Variants in SORCS2 observed in about 807,000 individuals in gnomAD.
The protein encoded by SORCS2 is VPS10 domain-containing receptor SorCS2.
SORCS2 carries 100 observed loss-of-function variants against 141.6 expected under a neutral mutation model. The ratio of observed to expected loss-of-function variants is 0.71; its 90% CI spans 0.60 to 0.83. The LOEUF (loss-of-function observed/expected upper bound fraction) is 0.83, where lower values mean the gene tolerates loss of function less well. SORCS2 is among the 40% of genes least tolerant of loss of function. SORCS2 has a pLI of 0.00. For missense variants in SORCS2, 1,646 were observed against 1,560.2 expected, an observed-to-expected ratio of 1.05 and a Z score of -0.93; for synonymous variants, 789 against 676.9, an observed-to-expected ratio of 1.17 and a Z score of -2.57.
chr4:7,728,100 C>A (rs1727348037), intron 21 of SORCS2, among the ~76,000 whole-genome samples: 1 of 152,232 alleles, frequency 6.6e-6, no homozygotes, highest in African/African-American at 2.4e-5. Flanking sequence ...GAGATGGCAG[C>A]CAGTGACATG....
At chr4:7,529,499 C>A (rs749014903) in intron 2 of SORCS2, among the ~76,000 whole-genome samples, 1 of 152,174 alleles carries the variant, frequency 6.6e-6, no homozygotes, top group Non-Finnish European at 1.5e-5. Context: ...TGAGCAGGCT[C>A]CTCTGGCCCA....
At chr4:7,541,604 G>A (rs905924857) in intron 3 of SORCS2, among the ~76,000 whole-genome samples, 1 of 152,162 alleles carries the variant, frequency 6.6e-6, no homozygotes, top group Non-Finnish European at 1.5e-5. Context: ...AGGCAGCCAG[G>A]CCTCTCCCTC....
At chr4:7,497,791 C>T (rs936162787) in intron 2 of SORCS2, among the ~76,000 whole-genome samples, 2 of 152,262 alleles carry the variant, frequency 1.3e-5, no homozygotes, top group African/African-American at 4.8e-5. Flanking sequence ...GTGGGAGAAC[C>T]AGGCCTGGAC....
At chr4:7,730,525 C>T (rs1489270884) in intron 23 of SORCS2, among the ~76,000 whole-genome samples, 1 of 152,208 alleles carries the variant, frequency 6.6e-6, no homozygotes, top group African/African-American at 2.4e-5. Flanking sequence ...AATTGTGGTC[C>T]AACCTTACAA....
At chr4:7,504,875 T>G (rs1178059481) in intron 2 of SORCS2, among the ~76,000 whole-genome samples, 1 of 152,186 alleles carries the variant, frequency 6.6e-6, no homozygotes, top group Non-Finnish European at 1.5e-5. Flanking sequence ...AAAAGGTCCA[T>G]GGTGAGCAGA....
intron 3 of SORCS2, among the ~76,000 whole-genome samples, chr4:7,588,551 C>G (rs967817666): frequency 3.9e-5 from 6 of 152,142 alleles, no homozygotes; most frequent in Non-Finnish European, 8.8e-5. Context: ...GATCAAGTTC[C>G]CTCTGAGGTT....
intron 3 of SORCS2, among the ~76,000 whole-genome samples, chr4:7,594,340 G>A (rs549446482): frequency 6.1e-4 from 93 of 152,314 alleles, no homozygotes; most frequent in African/African-American, 2.0e-3. Flanking sequence ...GGGAAATAAC[G>A]GGAATGCAAC....
intron 11 of SORCS2, among the ~76,000 whole-genome samples, chr4:7,696,535 G>A (rs1424687801): frequency 6.6e-6 from 1 of 152,168 alleles, no homozygotes; most frequent in African/African-American, 2.4e-5. Flanking sequence ...CTGGCCATGA[G>A]TTCTTCCCAT....
chr4:7,507,004 C>G (rs1347187592), intron 2 of SORCS2, among the ~76,000 whole-genome samples: 1 of 152,164 alleles, frequency 6.6e-6, no homozygotes, highest in Non-Finnish European at 1.5e-5. Flanking sequence ...GAGCCAGCAG[C>G]TGTCACAGGA....
At chr4:7,272,648 C>T (rs537812156) in intron 1 of SORCS2, among the ~76,000 whole-genome samples, 25 of 152,222 alleles carry the variant, frequency 1.6e-4, no homozygotes, top group Non-Finnish European at 3.5e-4. Context: ...AAGCATCTTG[C>T]AGGGGAGTGG....
intron 1 of SORCS2, among the ~76,000 whole-genome samples, chr4:7,252,999 A>G (rs7441995): frequency 0.87 from 132,077 of 152,286 alleles, 57,476 homozygotes; most frequent in African/African-American, 0.92. Flanking sequence ...CATTTGGGAC[A>G]GAGGCCACAG....
At chr4:7,547,994 G>A (rs1713396702) in intron 3 of SORCS2, among the ~76,000 whole-genome samples, 1 of 152,160 alleles carries the variant, frequency 6.6e-6, no homozygotes. Context: ...TTCTGCTTTG[G>A]GCAGTGAGCT....
Position 7,740,254 on chromosome 4 carries a change from T to C in SORCS2, c.3470T>C (p.Leu1157Pro), listed in dbSNP as rs1712556353. ...SINSREMHSY[L>P]VS ...AACTCCCGAGAGATGCACAGCTACCTGGTGAGCTGATGCCACCCCAGCATC... is the reference window on the plus strand; with the variant it reads ...AACTCCCGAGAGATGCACAGCTACCCGGTGAGCTGATGCCACCCCAGCATC... Residue 1157 changes from leucine (L) to proline (P), a missense_variant, in exon 27 of 27, where the codon CTG (leucine) becomes CCG (proline). By Grantham distance (98) the Leu-to-Pro change is moderately conservative. Coordinates refer to ENST00000507866, the MANE Select transcript of SORCS2 (RefSeq NM_020777.3). 5 of 1,609,552 alleles carry C rather than the reference T, an allele frequency of 3.1e-6. No homozygotes were observed. Among genetic ancestry groups the C allele is most frequent in the Non-Finnish European group, 4.2e-6 (5 of 1,179,400 alleles).
chr4:7,283,224 G>A (rs893001875), intron 1 of SORCS2, among the ~76,000 whole-genome samples: 2 of 152,242 alleles, frequency 1.3e-5, no homozygotes, highest in African/African-American at 2.4e-5. Context: ...GAGCATGCAT[G>A]TGTGATATGA....
At chr4:7,282,327 T>C (rs1382939014) in intron 1 of SORCS2, among the ~76,000 whole-genome samples, 1 of 152,266 alleles carries the variant, frequency 6.6e-6, no homozygotes, top group Non-Finnish European at 1.5e-5. Flanking sequence ...TAAGACAGGA[T>C]CTTTTCCTCC....
At chr4:7,691,287 C>G (rs1724233005) in intron 11 of SORCS2, among the ~76,000 whole-genome samples, 1 of 152,206 alleles carries the variant, frequency 6.6e-6, no homozygotes, top group Non-Finnish European at 1.5e-5. Flanking sequence ...GTGGGCCCTC[C>G]AAGGCTGTTT....
chr4:7,628,056 G>A (rs548439046), intron 3 of SORCS2, among the ~76,000 whole-genome samples: 27 of 152,362 alleles, frequency 1.8e-4, no homozygotes, highest in Admixed American at 1.8e-3. Context: ...CTCCACTCTT[G>A]TGCCTGTCAG....
rs58499022 is a variant in SORCS2, at chr4:7,640,477, T to TGA, written c.813+1993_813+1994dup. 3.5e-4 allele frequency among the ~76,000 whole-genome samples: 51 copies of TGA among 146,070 alleles called. No individual in the cohort carries two copies. The Middle Eastern group carries it at 0.011, about 30-fold the overall frequency. On this transcript the variant is annotated intron_variant, in intron 4 of 26. Coordinates refer to ENST00000507866, the MANE Select transcript of SORCS2 (RefSeq NM_020777.3). ...GTGTGTATGAGCGTGTGTGTGTGTGTGAGAGAGAGCCTATGTGAGCGTATG... is the reference window on the plus strand; with the variant it reads ...GTGTGTATGAGCGTGTGTGTGTGTGTGAGAGAGAGAGCCTATGTGAGCGTATG...
intron 2 of SORCS2, among the ~76,000 whole-genome samples, chr4:7,436,478 C>A (rs533461820): frequency 6.6e-6 from 1 of 152,250 alleles, no homozygotes; most frequent in Non-Finnish European, 1.5e-5. Flanking sequence ...ACCCCACCCC[C>A]ACGGCGCTGC....
Sources: gnomAD v4.1 joint callset for allele counts (sites outside exome capture counted in the v4.1 genomes callset) on GRCh38, gnomAD v4.1.1 for gene constraint, MANE v1.5 for transcripts, NCBI Gene and HGNC (gene_info 2026-07-23, HGNC 2026-07-21) for gene names.